The following CNKSR3 variants were observed in gnomAD, a reference collection of about 807,000 sequenced individuals.
CNKSR3 encodes the protein connector enhancer of kinase suppressor of ras 3.
In CNKSR3, 36 loss-of-function variants were observed where a neutral mutation model predicts 67.7. The ratio of observed to expected loss-of-function variants is 0.53; its 90% CI spans 0.41 to 0.70. The LOEUF (loss-of-function observed/expected upper bound fraction) is 0.70, where lower values mean the gene tolerates loss of function less well. CNKSR3 is among the 30% of genes least tolerant of loss of function. The pLI is 0.00. For missense variants in CNKSR3, 630 were observed against 695.2 expected (o/e 0.91, Z 1.05); for synonymous variants, 281 against 271.4 (o/e 1.04, Z -0.35).
chr6:154,422,749 G>A, intron 8 of CNKSR3, 97 bp from the exon 9 acceptor site: 1 of 1,380,338 alleles, frequency 7.2e-7, no homozygotes, highest in South Asian at 1.2e-5. Context: ...GTTGTGAGCA[G>A]ATACATAGAA....
chr6:154,468,378 C>A (rs182317580), intron 1 of CNKSR3, among the ~76,000 whole-genome samples: 2 of 138,952 alleles, frequency 1.4e-5, no homozygotes, highest in South Asian at 2.3e-4. Flanking sequence ...CTGCACCCAG[C>A]CCATATATAT....
At chr6:154,479,230 A>AT (rs1554237018) in intron 1 of CNKSR3, among the ~76,000 whole-genome samples, 43,764 of 151,302 alleles carry the variant, frequency 0.29, 6,515 homozygotes, top group Non-Finnish European at 0.32. Context: ...AAAAAAAAAA[A>AT]ATATTCTTTC....
At chr6:154,415,248 T>TTTTTTTTA (rs1397659584) in intron 9 of CNKSR3, among the ~76,000 whole-genome samples, 1 of 140,100 alleles carries the variant, frequency 7.1e-6, no homozygotes, top group Admixed American at 7.2e-5. Flanking sequence ...TTTTTTTTTT[T>TTTTTTTTA]AAGATGGAGT....
At chr6:154,507,023 G>A (rs528849929) in intron 1 of CNKSR3, among the ~76,000 whole-genome samples, 7 of 152,258 alleles carry the variant, frequency 4.6e-5, no homozygotes, top group African/African-American at 9.6e-5. Context: ...GGGTGACATC[G>A]GTCAATCTGT....
Position 154,410,948 on chromosome 6 carries a change from T to C in CNKSR3, c.1265A>G (p.Lys422Arg). The change falls in exon 11 of 13, where the codon AAA (lysine) becomes AGA (arginine). Residue 422 changes from lysine (K) to arginine (R), a missense_variant. Physicochemically the swap from Lys to Arg is conservative, Grantham distance 26. This residue lies in a region of CNKSR3 where 308 missense variants were observed against 299.6 expected (regional missense o/e 1.03). Transcript: ENST00000607772. The part of the protein sequence containing the change: ...TNILPTKMRE[K>R]TPSYGKPRPL... ...TTGAAACTTACCATAAGATGGTGTT[T>C]TCTCTCTCATTTTTGTGGGCAGAAT... The C allele has an allele frequency of 1.9e-6, 3 of 1,611,930 alleles. No homozygotes were observed. The highest frequency in any genetic ancestry group is 2.5e-6 in the Non-Finnish European group (3 of 1,178,594).
At position 154,399,079 on chromosome 6, in the gene CNKSR3, CAA is replaced by C. The variant is rs746545116; in HGVS notation, c.*7273_*7274del. ...GGGCAACAAGACTGAAACTCCGTCT[CAA>C]AAAAAAAAAAAAAAGTGTGTCCAAT... On this transcript the variant is annotated 3_prime_UTR_variant, in exon 13 of 13. Transcript: ENST00000607772. The C allele has an allele frequency of 2.7e-4, 30 of 112,790 alleles. No individual in the cohort carries two copies. The highest frequency in any genetic ancestry group is 5.0e-4 in the Admixed American group (6 of 11,976). The allele number at this position is 112,790 out of a possible 1,614,324, so 7.0% of individuals were successfully genotyped here.
intron 9 of CNKSR3, among the ~76,000 whole-genome samples, chr6:154,418,721 A>G (rs978510068): frequency 6.6e-6 from 1 of 152,246 alleles, no homozygotes; most frequent in Non-Finnish European, 1.5e-5. Flanking sequence ...CAACAGAAAC[A>G]GCTGGAGTAT....
chr6:154,424,215 AG>A, intron 7 of CNKSR3, among the ~76,000 whole-genome samples: 1 of 147,536 alleles, frequency 6.8e-6, no homozygotes, highest in South Asian at 2.2e-4. Context: ...TAGGCGACAG[AG>A]CGAGACTCCG....
chr6:154,425,136 C>T (rs892951107), intron 7 of CNKSR3, among the ~76,000 whole-genome samples: 1 of 152,192 alleles, frequency 6.6e-6, no homozygotes, highest in African/African-American at 2.4e-5. Context: ...TCCCTGTGTG[C>T]CAGATGCTTA....
chr6:154,472,969 A>AT (rs1786363834), intron 1 of CNKSR3, among the ~76,000 whole-genome samples: 1 of 152,150 alleles, frequency 6.6e-6, no homozygotes, highest in Non-Finnish European at 1.5e-5. Flanking sequence ...ATGAGCTTTT[A>AT]TGGAGGGCCT....
intron 1 of CNKSR3, among the ~76,000 whole-genome samples, chr6:154,508,532 C>G (rs1787147498): frequency 1.3e-5 from 2 of 152,162 alleles, no homozygotes; most frequent in South Asian, 4.1e-4. Flanking sequence ...CATATCAACT[C>G]AGTTTCAGGA....
Position 154,442,291 on chromosome 6 carries a change from C to T in CNKSR3, c.217-1G>A. ...TGTTATCAGTTTCGAGGCCATAATTCTGTGGAAAATAAAATCAAAGAGAAA... is the reference window on the plus strand; with the variant it reads ...TGTTATCAGTTTCGAGGCCATAATTTTGTGGAAAATAAAATCAAAGAGAAA... On this transcript the variant is annotated splice_acceptor_variant, in intron 2 of 12. Coordinates refer to ENST00000607772, the MANE Select transcript of CNKSR3 (RefSeq NM_173515.4). LOFTEE classifies it high-confidence loss of function. 1 of 1,611,652 alleles carries T rather than the reference C, an allele frequency of 6.2e-7. No individual in the cohort carries two copies. Among genetic ancestry groups the T allele is most frequent in the East Asian group, 2.2e-5 (1 of 44,848 alleles).
intron 1 of CNKSR3, among the ~76,000 whole-genome samples, chr6:154,469,550 C>T (rs1786277936): frequency 6.6e-6 from 1 of 152,144 alleles, no homozygotes; most frequent in Non-Finnish European, 1.5e-5. Context: ...GACACCAGTC[C>T]CATTCCATTG....
intron 1 of CNKSR3, among the ~76,000 whole-genome samples, chr6:154,485,878 G>A (rs1440671464): frequency 2.0e-5 from 3 of 152,050 alleles, no homozygotes; most frequent in African/African-American, 7.2e-5. Context: ...TAACTTCTTG[G>A]CTCCCAAGAA....
In CNKSR3 at chr6:154,399,003, C is replaced by T. The variant is rs1057460030; in HGVS notation, c.*7351G>A. On this transcript the variant is annotated 3_prime_UTR_variant, in exon 13 of 13. Transcript: ENST00000607772. ...CTGAGGCAGGAGAATCACTTGAACC[C>T]AGTAGGCGGAAGTTGCGGTGAGCCA... 2.0e-5 allele frequency: 3 copies of T among 151,694 alleles called. No homozygotes were observed. The highest frequency in any genetic ancestry group is 2.9e-5 in the Non-Finnish European group (2 of 68,036). The allele number at this position is 151,694 out of a possible 1,614,324, so 9.4% of individuals were successfully genotyped here. A position where few individuals can be genotyped will look rare whatever the true frequency, so the allele number is the denominator to read the frequency against.
rs906138574 is a variant in CNKSR3 at position 154,410,317 on chromosome 6, C to T, written c.1369+26G>A. 17 of 1,573,142 alleles carry T rather than the reference C, an allele frequency of 1.1e-5. No homozygotes were observed. In the Middle Eastern group the frequency reaches 5.0e-4, roughly 46 times the overall value. On this transcript the variant is annotated intron_variant, in intron 12 of 12. Transcript: ENST00000607772. ...GGCTGTTCACTCCCCATTTGCTGTTCCTTGGTTTGCTTGGATGAAACGTAC... is the reference window on the plus strand; with the variant it reads ...GGCTGTTCACTCCCCATTTGCTGTTTCTTGGTTTGCTTGGATGAAACGTAC...
chr6:154,486,289 C>CTTTTTTTTTTTTTTTTTTTTTT (rs1480566559), intron 1 of CNKSR3, among the ~76,000 whole-genome samples: 1 of 149,868 alleles, frequency 6.7e-6, no homozygotes, highest in African/African-American at 2.5e-5. Flanking sequence ...TTTTCTCTCT[C>CTTTTTTTTTTTTTTTTTTTTTT]TCTCTTTTTC....
intron 9 of CNKSR3, among the ~76,000 whole-genome samples, chr6:154,417,748 C>T (rs982896917): frequency 2.6e-5 from 4 of 152,086 alleles, no homozygotes; most frequent in African/African-American, 4.8e-5. Flanking sequence ...GAAGACCACA[C>T]GAGAACAGAG....
rs1784736603 is a variant in CNKSR3 at position 154,403,354 on chromosome 6, G to A, written c.*3000C>T. The A allele has an allele frequency of 6.6e-6, 1 of 151,522 alleles. No homozygotes were observed. Among genetic ancestry groups the A allele is most frequent in the African/African-American group, 2.4e-5 (1 of 41,146 alleles). The allele number at this position is 151,522 out of a possible 1,614,324, so 9.4% of individuals were successfully genotyped here. On this transcript the variant is annotated 3_prime_UTR_variant, in exon 13 of 13. Coordinates refer to ENST00000607772, the MANE Select transcript of CNKSR3 (RefSeq NM_173515.4). ...ACCTGGGAGGCAGAGGCTGCAGTGA[G>A]TTGAGATTGTACCACTGCACTCTAG...
Sources: allele counts gnomAD v4.1 joint callset (sites outside exome capture counted in the v4.1 genomes callset), GRCh38; gene constraint gnomAD v4.1.1; regional missense constraint gnomAD v4.1.1; transcripts MANE v1.5; gene names NCBI Gene and HGNC (gene_info 2026-07-23, HGNC 2026-07-21).